Variants in VRK1 observed in about 807,000 individuals in gnomAD.
VRK1 encodes serine/threonine-protein kinase VRK1.
A neutral mutation model predicts 57.1 loss-of-function variants in VRK1; 33 were observed. The observed-to-expected ratio is 0.58, with a 90% CI of 0.44 to 0.77. The LOEUF (loss-of-function observed/expected upper bound fraction) is 0.77, where lower values mean the gene tolerates loss of function less well. Among genes scored for constraint, VRK1 ranks in the 30% least tolerant of loss-of-function variants. VRK1 has a pLI of 0.00. For missense variants in VRK1, 413 were observed against 477.3 expected (o/e 0.87, Z 1.25); for synonymous variants, 137 against 147.8 (o/e 0.93, Z 0.53).
Position 96,856,574 on chromosome 14 carries a change from A to G in VRK1, c.877A>G (p.Lys293Glu), listed in dbSNP as rs1888163743. Residue 293 changes from lysine (K) to glutamate (E), a missense_variant, in exon 10 of 13, where the codon AAA becomes GAA. This residue lies in a region of VRK1 where 146 missense variants were observed against 138.2 expected (regional missense o/e 1.06). Transcript: ENST00000216639. ...ASLMDKCFPE[K>E]NKPGEIAKYM... ...TTTGATGGACAAATGTTTTCCTGAG[A>G]AAAACAAACCAGGTAGGAAATGACT... 3.1e-6 allele frequency: 5 copies of G among 1,613,650 alleles called. No homozygotes were observed. Among genetic ancestry groups the G allele is most frequent in the Non-Finnish European group, 4.2e-6 (5 of 1,179,634 alleles).
chr14:96,807,527 T>C (rs1001762120), intron 1 of VRK1, among the ~76,000 whole-genome samples: 8 of 152,250 alleles, frequency 5.3e-5, no homozygotes, highest in African/African-American at 1.9e-4. Flanking sequence ...GCTTGATACG[T>C]GAGAAATAGA....
At chr14:96,865,986 A>T (rs1385915014) in intron 11 of VRK1, among the ~76,000 whole-genome samples, 1 of 151,982 alleles carries the variant, frequency 6.6e-6, no homozygotes, top group African/African-American at 2.4e-5. Context: ...TAAGCCTCTG[A>T]TGCATTTTAT....
intron 1 of VRK1, among the ~76,000 whole-genome samples, chr14:96,821,964 T>C (rs1037925010): frequency 7.2e-6 from 1 of 138,418 alleles, no homozygotes; most frequent in Non-Finnish European, 1.5e-5. Flanking sequence ...GGCTAGATTC[T>C]CTCACTTTTT....
chr14:96,825,735 GT>G (rs1886775310), intron 1 of VRK1, among the ~76,000 whole-genome samples: 1 of 152,104 alleles, frequency 6.6e-6, no homozygotes, highest in Admixed American at 6.5e-5. Context: ...AAATATGTTG[GT>G]TCCATGTTAA....
rs1379508531 is a variant in VRK1, at chr14:96,859,170, T to G, written c.890-1387T>G. 2.0e-5 allele frequency: 3 copies of G among 152,246 alleles called. No homozygotes were observed. In the East Asian group the frequency reaches 5.8e-4, roughly 29 times the overall value. 9.4% of individuals were successfully genotyped at this position (152,246 alleles called of 1,614,324 possible). A position where few individuals can be genotyped will look rare whatever the true frequency, so the allele number is the denominator to read the frequency against. On this transcript the variant is annotated intron_variant, in intron 10 of 12. Coordinates refer to ENST00000216639, the MANE Select transcript of VRK1 (RefSeq NM_003384.3). ...TTAGGTATTTTTTGATAGTTTATTT[T>G]CCAATTGCTTTTTGCTGGTATATAG...
intron 1 of VRK1, among the ~76,000 whole-genome samples, chr14:96,819,992 C>T (rs1360429032): frequency 6.6e-6 from 1 of 152,078 alleles, no homozygotes; most frequent in Non-Finnish European, 1.5e-5. Context: ...GTAATGGTTT[C>T]GCCAGGATTC....
intron 1 of VRK1, among the ~76,000 whole-genome samples, chr14:96,830,662 A>T (rs1284100519): frequency 6.6e-6 from 1 of 152,170 alleles, no homozygotes; most frequent in Non-Finnish European, 1.5e-5. Flanking sequence ...CTCTTTAAAA[A>T]TACCAACTTA....
intron 1 of VRK1, among the ~76,000 whole-genome samples, chr14:96,823,607 GTTTTC>G (rs1886687300): frequency 6.6e-6 from 1 of 152,040 alleles, no homozygotes; most frequent in Non-Finnish European, 1.5e-5. Context: ...TCTAGAAACT[GTTTTC>G]TTTTTTAAAA....
intron 4 of VRK1, 119 bp downstream of exon 4, chr14:96,846,283 A>G: frequency 1.0e-6 from 1 of 1,001,020 alleles, no homozygotes; most frequent in Non-Finnish European, 1.5e-6. Flanking sequence ...TGCTTTATAA[A>G]TTCCACTTAC....
chr14:96,847,185 C>A, intron 4 of VRK1, 72 bp from the exon 5 acceptor site: 1 of 1,263,674 alleles, frequency 7.9e-7, no homozygotes, highest in South Asian at 1.3e-5. Context: ...ACATTTTGCT[C>A]TTAATGATTT....
chr14:96,804,032 A>C (rs1360676497), intron 1 of VRK1, among the ~76,000 whole-genome samples: 1 of 152,182 alleles, frequency 6.6e-6, no homozygotes, highest in Non-Finnish European at 1.5e-5. Flanking sequence ...AATTTTGTTA[A>C]AGTCCAACTT....
At chr14:96,815,573 A>G (rs1886360502) in intron 1 of VRK1, among the ~76,000 whole-genome samples, 1 of 152,100 alleles carries the variant, frequency 6.6e-6, no homozygotes, top group Admixed American at 6.6e-5. Context: ...CATTGTTAGG[A>G]ACCAAGGTTT....
chr14:96,876,745 T>C (rs1889046448), intron 12 of VRK1, among the ~76,000 whole-genome samples: 1 of 149,466 alleles, frequency 6.7e-6, no homozygotes, highest in Admixed American at 6.7e-5. Context: ...ATTAAAGCTT[T>C]ATGGATGATC....
At chr14:96,859,734 A>G (rs894546494) in intron 10 of VRK1, among the ~76,000 whole-genome samples, 3 of 152,154 alleles carry the variant, frequency 2.0e-5, no homozygotes, top group East Asian at 1.9e-4. Context: ...AAGGGTGACT[A>G]ACTCAGATTT....
At chr14:96,847,983 T>TA (rs1421898847) in intron 5 of VRK1, among the ~76,000 whole-genome samples, 1 of 152,196 alleles carries the variant, frequency 6.6e-6, no homozygotes, top group Non-Finnish European at 1.5e-5. Flanking sequence ...ACTTGATACA[T>TA]ATTTGAATGA....
At chr14:96,846,788 A>G (rs555551818) in intron 4 of VRK1, among the ~76,000 whole-genome samples, 1 of 152,188 alleles carries the variant, frequency 6.6e-6, no homozygotes, top group East Asian at 1.9e-4. Context: ...CTAGTACAGT[A>G]TAACTATTGA....
At chr14:96,800,536 C>G (rs982989260) in intron 1 of VRK1, among the ~76,000 whole-genome samples, 2 of 152,134 alleles carry the variant, frequency 1.3e-5, no homozygotes, top group Non-Finnish European at 2.9e-5. Flanking sequence ...AACTGCTCTA[C>G]TTTTACCAAC....
chr14:96,800,687 C>T (rs1293434363), intron 1 of VRK1, among the ~76,000 whole-genome samples: 1 of 152,052 alleles, frequency 6.6e-6, no homozygotes, highest in Non-Finnish European at 1.5e-5. Flanking sequence ...ACTCCTATCT[C>T]TCTATGGGTT....
intron 8 of VRK1, among the ~76,000 whole-genome samples, chr14:96,855,873 C>G (rs899634385): frequency 6.6e-6 from 1 of 152,102 alleles, no homozygotes; most frequent in Non-Finnish European, 1.5e-5. Context: ...TATTTCTAGA[C>G]TAACAGTCTC....
Sources: gnomAD v4.1 joint callset for allele counts (sites outside exome capture counted in the v4.1 genomes callset) on GRCh38, gnomAD v4.1.1 for gene constraint, gnomAD v4.1.1 regional missense constraint, MANE v1.5 for transcripts, NCBI Gene and HGNC (gene_info 2026-07-23, HGNC 2026-07-21) for gene names.